Variants in PTPRD observed in about 807,000 individuals in gnomAD.
The protein encoded by PTPRD is receptor-type tyrosine-protein phosphatase delta.
PTPRD carries 34 observed loss-of-function variants against 214.5 expected under a neutral mutation model. The ratio of observed to expected loss-of-function variants is 0.16; its 90% CI spans 0.12 to 0.21. The LOEUF (loss-of-function observed/expected upper bound fraction) is 0.21. Among genes scored for constraint, PTPRD ranks in the 10% least tolerant of loss-of-function variants. The pLI is 1.00. For synonymous variants in PTPRD, 1,128 were observed against 845.7 expected (o/e 1.33, Z -5.79); for missense variants, 2,545 against 2,398.7 (o/e 1.06, Z -1.27).
intron 2 of PTPRD, among the ~76,000 whole-genome samples, chr9:10,384,034 G>T (rs1008321403): frequency 6.7e-6 from 1 of 150,004 alleles, no homozygotes; most frequent in African/African-American, 2.5e-5. Context: ...GAGAAGGGTA[G>T]TGCAGGGACT....
intron 11 of PTPRD, among the ~76,000 whole-genome samples, chr9:8,931,886 G>C (rs1360593842): frequency 6.6e-6 from 1 of 152,050 alleles, no homozygotes; most frequent in Non-Finnish European, 1.5e-5. Flanking sequence ...TCTTGGTTTA[G>C]CCTTGAGAGG....
At chr9:9,545,771 G>T (rs760874597) in intron 8 of PTPRD, among the ~76,000 whole-genome samples, 2 of 151,610 alleles carry the variant, frequency 1.3e-5, no homozygotes, top group Non-Finnish European at 3.0e-5. Flanking sequence ...TTCATTATTG[G>T]CTATTCTGGG....
At chr9:8,510,285 C>T (rs544130777) in intron 21 of PTPRD, among the ~76,000 whole-genome samples, 1 of 152,030 alleles carries the variant, frequency 6.6e-6, no homozygotes, top group East Asian at 1.9e-4. Context: ...GAGTGAGACC[C>T]TGTCTCTAAA....
chr9:9,069,676 A>T (rs932999105), intron 10 of PTPRD, among the ~76,000 whole-genome samples: 1 of 152,224 alleles, frequency 6.6e-6, no homozygotes, highest in Non-Finnish European at 1.5e-5. Context: ...TGCCTGACTC[A>T]GCACCTTCTA....
In PTPRD at chr9:9,081,901, A is replaced by G. The variant is rs1376063868; in HGVS notation, c.-142-63166T>C. ...ATTTTGAGCGTATGTGTGTCTTTGCACGTGAGGTGGGTCTTAGTCAAATCC... is the reference window on the plus strand; with the variant it reads ...ATTTTGAGCGTATGTGTGTCTTTGCGCGTGAGGTGGGTCTTAGTCAAATCC... On this transcript the variant is annotated intron_variant, in intron 10 of 45. Transcript: ENST00000381196. 2.0e-5 allele frequency among the ~76,000 whole-genome samples: 3 copies of G among 149,624 alleles called. No individual in the cohort carries two copies. In the East Asian group the frequency reaches 5.9e-4, roughly 30 times the overall value.
intron 35 of PTPRD, among the ~76,000 whole-genome samples, chr9:8,406,650 T>C (rs758296932): frequency 2.6e-5 from 4 of 152,218 alleles, no homozygotes; most frequent in Non-Finnish European, 5.9e-5. Flanking sequence ...AATTGATGAA[T>C]AAATGTTTTT....
intron 11 of PTPRD, among the ~76,000 whole-genome samples, chr9:8,946,079 G>A (rs2099062284): frequency 6.6e-6 from 1 of 152,150 alleles, no homozygotes. Context: ...GAACATCCTT[G>A]CTAGCAAAAT....
At chr9:8,794,067 G>A (rs943173788) in intron 11 of PTPRD, among the ~76,000 whole-genome samples, 7 of 152,314 alleles carry the variant, frequency 4.6e-5, no homozygotes, top group Non-Finnish European at 8.8e-5. Flanking sequence ...ATGCATTACA[G>A]TGCAGCAGCC....
At chr9:10,167,601 G>C (rs1052485626) in intron 3 of PTPRD, among the ~76,000 whole-genome samples, 1 of 152,142 alleles carries the variant, frequency 6.6e-6, no homozygotes, top group Admixed American at 6.6e-5. Context: ...CTTATTAGAA[G>C]TGGATGTACG....
At chr9:8,496,211 A>ACACAAAC (rs1554641959) in intron 26 of PTPRD, among the ~76,000 whole-genome samples, 10 of 91,450 alleles carry the variant, frequency 1.1e-4, no homozygotes, top group South Asian at 3.9e-4. Flanking sequence ...CACACACACA[A>ACACAAAC]ACACACACAC....
chr9:8,859,100 C>T (rs2098037158), intron 11 of PTPRD, among the ~76,000 whole-genome samples: 1 of 152,246 alleles, frequency 6.6e-6, no homozygotes, highest in African/African-American at 2.4e-5. Context: ...CCTTGGCAGC[C>T]TCCTTCGGGG....
intron 12 of PTPRD, among the ~76,000 whole-genome samples, chr9:8,683,287 C>T (rs890589216): frequency 9.9e-5 from 15 of 150,958 alleles, no homozygotes; most frequent in African/African-American, 3.2e-4. Context: ...TTTATGAAAA[C>T]ATAGGGAGAA....
chr9:10,144,730 C>G (rs1206812892), intron 3 of PTPRD, among the ~76,000 whole-genome samples: 1 of 151,972 alleles, frequency 6.6e-6, no homozygotes, highest in Non-Finnish European at 1.5e-5. Flanking sequence ...AGCTAAGGAG[C>G]CTCTATATGG....
intron 7 of PTPRD, among the ~76,000 whole-genome samples, chr9:9,680,557 C>T (rs182835140): frequency 6.7e-4 from 102 of 151,752 alleles, no homozygotes; most frequent in African/African-American, 2.4e-3. Context: ...AGGTTTATCA[C>T]AAAATTGTTG....
intron 10 of PTPRD, among the ~76,000 whole-genome samples, chr9:9,066,202 G>A (rs1479909859): frequency 3.3e-5 from 5 of 151,982 alleles, no homozygotes; most frequent in African/African-American, 1.2e-4. Context: ...AATTAGGATG[G>A]GTCCTTTTTT....
chr9:8,986,438 T>C, intron 11 of PTPRD, among the ~76,000 whole-genome samples: 1 of 151,866 alleles, frequency 6.6e-6, no homozygotes, highest in East Asian at 1.9e-4. Flanking sequence ...TGTTTTAAAA[T>C]ATATATATTA....
chr9:9,154,194 A>G (rs982536470), intron 10 of PTPRD, among the ~76,000 whole-genome samples: 7 of 152,176 alleles, frequency 4.6e-5, no homozygotes, highest in African/African-American at 9.7e-5. Context: ...TTAATGCCAC[A>G]ATGAATTACA....
chr9:8,392,441 ATTT>A (rs1214067881), intron 36 of PTPRD, among the ~76,000 whole-genome samples: 3 of 152,076 alleles, frequency 2.0e-5, no homozygotes, highest in Non-Finnish European at 4.4e-5. Context: ...TAGGAGGATC[ATTT>A]GAGTCCAGGA....
chr9:9,642,026 C>A (rs987544348), intron 7 of PTPRD, among the ~76,000 whole-genome samples: 63 of 149,234 alleles, frequency 4.2e-4, no homozygotes, highest in Non-Finnish European at 7.7e-4. Flanking sequence ...AAATGTCCAA[C>A]AATGATAGAC....
Sources: gnomAD v4.1 joint callset for allele counts (sites outside exome capture counted in the v4.1 genomes callset) on GRCh38, gnomAD v4.1.1 for gene constraint, MANE v1.5 for transcripts, NCBI Gene and HGNC (gene_info 2026-07-23, HGNC 2026-07-21) for gene names.